Variants in ATP11B observed in about 807,000 individuals in gnomAD.
ATP11B encodes the protein ATPase phospholipid transporting 11B (putative).
A neutral mutation model predicts 157.8 loss-of-function variants in ATP11B; 81 were observed. The observed-to-expected ratio is 0.51, with a 90% CI of 0.43 to 0.62. The LOEUF (loss-of-function observed/expected upper bound fraction) is 0.62. Among genes scored for constraint, ATP11B ranks in the 20% least tolerant of loss-of-function variants. The pLI is 0.00. For missense variants in ATP11B, 1,165 were observed against 1,402.2 expected, an observed-to-expected ratio of 0.83 and a Z score of 2.70; for synonymous variants, 451 against 469.4, an observed-to-expected ratio of 0.96 and a Z score of 0.51.
chr3:182,856,110 CA>C (rs372752874), intron 10 of ATP11B, among the ~76,000 whole-genome samples: 109 of 152,172 alleles, frequency 7.2e-4, no homozygotes, highest in African/African-American at 2.5e-3. Flanking sequence ...TTTGTTACAG[CA>C]AAAAACTGGA....
At chr3:182,825,052 ACCTTTCACTCC>A (rs1269924021) in intron 2 of ATP11B, among the ~76,000 whole-genome samples, 2 of 152,226 alleles carry the variant, frequency 1.3e-5, no homozygotes, top group Middle Eastern at 3.4e-3. Flanking sequence ...TCATTTTACT[ACCTTTCACTCC>A]CCTGTTATTC....
intron 28 of ATP11B, among the ~76,000 whole-genome samples, chr3:182,899,150 ATTTTTTT>A (rs34492261): frequency 7.8e-6 from 1 of 128,354 alleles, no homozygotes; most frequent in Non-Finnish European, 1.6e-5. Flanking sequence ...AATTTGAGTA[ATTTTTTT>A]TTTTTTTTTT....
intron 1 of ATP11B, among the ~76,000 whole-genome samples, chr3:182,810,419 T>C (rs1716586026): frequency 6.6e-6 from 1 of 152,244 alleles, no homozygotes; most frequent in Admixed American, 6.5e-5. Context: ...TTAATTTTCA[T>C]AGCAATAGTT....
intron 1 of ATP11B, among the ~76,000 whole-genome samples, chr3:182,811,764 T>C (rs1716681618): frequency 6.6e-6 from 1 of 152,200 alleles, no homozygotes; most frequent in Admixed American, 6.5e-5. Flanking sequence ...TATATTACAT[T>C]GTATGTATCT....
chr3:182,818,549 TATG>T (rs1390614568), intron 1 of ATP11B, among the ~76,000 whole-genome samples: 8 of 152,234 alleles, frequency 5.3e-5, no homozygotes, highest in African/African-American at 1.9e-4. Context: ...ACATGTTTGT[TATG>T]ATGCATACAA....
rs1156965403 is a variant in ATP11B, at chr3:182,834,354, T to C, written c.316-1681T>C. 3.9e-5 allele frequency among the ~76,000 whole-genome samples: 6 copies of C among 152,150 alleles called. No homozygotes were observed. In the East Asian group the frequency reaches 1.2e-3, roughly 29 times the overall value. ...TTATAATTTCATAATATTTTAAAAA[T>C]AATAGATGCACATTTTTTTAAGGGA... is the stretch of plus-strand genomic sequence containing the variant. On this transcript the variant is annotated intron_variant, in intron 4 of 29. Coordinates refer to ENST00000323116, the MANE Select transcript of ATP11B (RefSeq NM_014616.3).
intron 11 of ATP11B, 77 bp downstream of exon 11, chr3:182,858,105 G>C (rs1011143842): frequency 7.7e-7 from 1 of 1,301,896 alleles, no homozygotes; most frequent in African/African-American, 1.5e-5. Context: ...AGTGACTTCT[G>C]ATTGGAGAGA....
intron 28 of ATP11B, among the ~76,000 whole-genome samples, chr3:182,904,456 T>G (rs1209405471): frequency 6.6e-6 from 1 of 152,230 alleles, no homozygotes; most frequent in Non-Finnish European, 1.5e-5. Flanking sequence ...ATGCATCAGT[T>G]TTTTAAACTG....
chr3:182,863,435 A>T (rs1290996715), intron 12 of ATP11B, among the ~76,000 whole-genome samples: 1 of 151,908 alleles, frequency 6.6e-6, no homozygotes, highest in South Asian at 2.1e-4. Context: ...TTGTGTATGC[A>T]TACTCATGTC....
Position 182,887,992 on chromosome 3 carries a change from CGT to C in ATP11B, c.2843+283_2843+284del, listed in dbSNP as rs553342959. Among the ~76,000 whole-genome samples the C allele has an allele frequency of 1.1e-3, 160 of 152,142 alleles. 2 individuals carry two copies. The highest frequency in any genetic ancestry group is 3.5e-3 in the African/African-American group (147 of 41,500). ...CTCGCAAACCAGTAATATTCTATTT[CGT>C]GTGCACAAAAGAAGTTATTCATAAT... On this transcript the variant is annotated intron_variant, in intron 24 of 29. Coordinates refer to ENST00000323116, the MANE Select transcript of ATP11B (RefSeq NM_014616.3).
rs117690844 is a variant in ATP11B, at chr3:182,868,950, A to C, written c.1689-128A>C. 224 of 593,592 alleles carry C rather than the reference A, an allele frequency of 3.8e-4. 3 individuals are homozygous for C. In the East Asian group the frequency reaches 6.5e-3, roughly 17 times the overall value. 36.8% of individuals were successfully genotyped at this position (593,592 alleles called of 1,614,324 possible). Reference sequence around the variant, plus strand: ...TATTAATGGCATGTAACCTATCATCATGAAAATGGTATTAATTCTTGTTCT... The same window carrying C: ...TATTAATGGCATGTAACCTATCATCCTGAAAATGGTATTAATTCTTGTTCT... On this transcript the variant is annotated intron_variant, in intron 15 of 29. Coordinates refer to ENST00000323116, the MANE Select transcript of ATP11B (RefSeq NM_014616.3).
intron 28 of ATP11B, among the ~76,000 whole-genome samples, chr3:182,900,602 G>A (rs1427676949): frequency 6.7e-6 from 1 of 150,306 alleles, no homozygotes. Context: ...CTAATCTTCT[G>A]AAAAAAAAAT....
At chr3:182,895,761 G>A (rs534771904) in intron 25 of ATP11B, among the ~76,000 whole-genome samples, 9 of 152,260 alleles carry the variant, frequency 5.9e-5, no homozygotes, top group East Asian at 1.9e-4. Flanking sequence ...AGGTGTGGGC[G>A]GGAGGGGTCT....
chr3:182,883,831 T>C (rs1722606172), intron 21 of ATP11B, among the ~76,000 whole-genome samples: 1 of 148,712 alleles, frequency 6.7e-6, no homozygotes, highest in South Asian at 2.1e-4. Context: ...GGCGGGCGCC[T>C]GTAGTCCCAG....
At chr3:182,909,263 AGAT>A (rs753776948) in intron 28 of ATP11B, among the ~76,000 whole-genome samples, 131 of 152,232 alleles carry the variant, frequency 8.6e-4, no homozygotes, top group Admixed American at 4.6e-4. Flanking sequence ...ATTTCTGTGA[AGAT>A]GAGCATTTTT....
intron 10 of ATP11B, among the ~76,000 whole-genome samples, chr3:182,857,361 A>G (rs1214463523): frequency 1.3e-5 from 2 of 152,030 alleles, no homozygotes; most frequent in East Asian, 3.9e-4. Context: ...GTTAACCAGG[A>G]TGGTCTCAAT....
intron 18 of ATP11B, 129 bp downstream of exon 18, chr3:182,872,666 T>C (rs1368562866): frequency 4.7e-6 from 4 of 844,328 alleles, no homozygotes; most frequent in South Asian, 2.6e-5. Context: ...AGTAGAGAAC[T>C]AAAGCCTTAA....
intron 2 of ATP11B, 109 bp downstream of exon 2, chr3:182,820,485 A>C: frequency 2.7e-6 from 2 of 752,032 alleles, no homozygotes; most frequent in Non-Finnish European, 4.5e-6. Flanking sequence ...GGAGTTTGCG[A>C]CCAGTGTGGG....
At chr3:182,836,522 A>T (rs1718567158) in intron 6 of ATP11B, 52 bp downstream of exon 6, 15 of 1,607,512 alleles carry the variant, frequency 9.3e-6, no homozygotes, top group Non-Finnish European at 1.3e-5. Flanking sequence ...GTGTCTTTGG[A>T]TTATAATTAT....
Sources: allele counts gnomAD v4.1 joint callset (sites outside exome capture counted in the v4.1 genomes callset), GRCh38; gene constraint gnomAD v4.1.1; transcripts MANE v1.5; gene names NCBI Gene and HGNC (gene_info 2026-07-23, HGNC 2026-07-21).